The following RYR3 variants were observed in gnomAD, a reference collection of about 807,000 sequenced individuals.
RYR3 encodes ryanodine receptor 3.
A neutral mutation model predicts 584.3 loss-of-function variants in RYR3; 207 were observed. The ratio of observed to expected loss-of-function variants is 0.35; its 90% CI spans 0.32 to 0.40. The LOEUF (loss-of-function observed/expected upper bound fraction) is 0.40, where lower values mean the gene tolerates loss of function less well. RYR3 is among the 10% of genes least tolerant of loss of function. The pLI, the probability that RYR3 is intolerant of heterozygous loss-of-function variation, is 1.00. For synonymous variants in RYR3, 2,416 were observed against 2,248.5 expected, an observed-to-expected ratio of 1.07 and a Z score of -2.11; for missense variants, 5,616 against 6,089.2, an observed-to-expected ratio of 0.92 and a Z score of 2.59.
At chr15:33,703,655 A>G (rs1273639958) in intron 42 of RYR3, among the ~76,000 whole-genome samples, 1 of 152,074 alleles carries the variant, frequency 6.6e-6, no homozygotes, top group Non-Finnish European at 1.5e-5. Context: ...TCCACATGAA[A>G]TTTGCGGGAG....
At chr15:33,736,653 G>A (rs976279589) in intron 49 of RYR3, among the ~76,000 whole-genome samples, 1 of 152,156 alleles carries the variant, frequency 6.6e-6, no homozygotes, top group African/African-American at 2.4e-5. Context: ...TGAAGGCCCT[G>A]TGGTTTTTCA....
At chr15:33,628,130 A>G (rs2061086923) in intron 20 of RYR3, among the ~76,000 whole-genome samples, 1 of 152,240 alleles carries the variant, frequency 6.6e-6, no homozygotes, top group African/African-American at 2.4e-5. Context: ...AAAAGAGACC[A>G]TGGTTAGAAA....
Position 33,841,938 on chromosome 15 carries a change from A to G in RYR3, c.13112A>G (p.Lys4371Arg). The G allele has an allele frequency of 1.2e-6, 2 of 1,601,036 alleles. No individual in the cohort carries two copies. The highest frequency in any genetic ancestry group is 2.2e-5 in the East Asian group (1 of 44,562). ...GAGTACCTGTGGACAGAAGTGACAA[A>G]AAAGAAGAAGCGGCGGTGTGGTCAG... Reference protein sequence around the residue: ...QAEYLWTEVTKKKKRRCGQKV... With the variant: ...QAEYLWTEVTRKKKRRCGQKV... The change falls in exon 91 of 104, where the codon AAA becomes AGA. Residue 4371 changes from lysine to arginine, a missense_variant. By Grantham distance (26) the Lys-to-Arg change is conservative. This residue lies in a region of RYR3 where 918 missense variants were observed against 887.4 expected (regional missense o/e 1.03). Transcript: ENST00000634891.
At chr15:33,805,537 G>C (rs894031279) in intron 69 of RYR3, among the ~76,000 whole-genome samples, 1 of 150,468 alleles carries the variant, frequency 6.6e-6, no homozygotes, top group African/African-American at 2.4e-5. Flanking sequence ...GAGTACAGTG[G>C]TGCGATCTCG....
At chr15:33,857,223 A>G (rs1456746294) in intron 98 of RYR3, among the ~76,000 whole-genome samples, 1 of 117,588 alleles carries the variant, frequency 8.5e-6, no homozygotes, top group Non-Finnish European at 1.7e-5. Flanking sequence ...GGAGGCGGTA[A>G]GTAAGTCCAG....
intron 18 of RYR3, among the ~76,000 whole-genome samples, chr15:33,603,677 A>G (rs2059779139): frequency 6.6e-6 from 1 of 152,214 alleles, no homozygotes; most frequent in African/African-American, 2.4e-5. Context: ...GCAGTGAGTT[A>G]CATACTTTCT....
intron 50 of RYR3, 149 bp downstream of exon 50, chr15:33,738,739 T>C: frequency 1.2e-6 from 1 of 844,298 alleles, no homozygotes. Context: ...TGCCCATCTC[T>C]CTGAAATGGA....
At chr15:33,492,279 T>G (rs983530484) in intron 2 of RYR3, among the ~76,000 whole-genome samples, 2 of 152,198 alleles carry the variant, frequency 1.3e-5, no homozygotes, top group African/African-American at 4.8e-5. Context: ...GGATGGGATC[T>G]AGTTCTCTGT....
intron 97 of RYR3, 25 bp from the exon 98 acceptor site, chr15:33,854,741 A>G (rs1202911983): frequency 1.3e-6 from 2 of 1,583,416 alleles, no homozygotes; most frequent in Admixed American, 1.9e-5. Flanking sequence ...AACATGCTTA[A>G]AAGTCTGCTT....
At chr15:33,643,455 A>G (rs1312893090) in intron 27 of RYR3, among the ~76,000 whole-genome samples, 1 of 152,204 alleles carries the variant, frequency 6.6e-6, no homozygotes, top group Non-Finnish European at 1.5e-5. Flanking sequence ...TTTTAATACG[A>G]TCAAGCTACA....
Position 33,507,534 on chromosome 15 carries a change from A to G in RYR3, c.279+3796A>G, listed in dbSNP as rs567722746. Among the ~76,000 whole-genome samples, 4 of 152,330 alleles carry G rather than the reference A, an allele frequency of 2.6e-5. No homozygotes were observed. The East Asian group carries it at 7.7e-4, about 29-fold the overall frequency. On this transcript the variant is annotated intron_variant, in intron 3 of 103. Transcript: ENST00000634891. Reference sequence around the variant, plus strand: ...ATTTTATGGCTACAGTTTGAAGTAAAATTCCTGCAATCAAATATTAGAGTA... The same window carrying G: ...ATTTTATGGCTACAGTTTGAAGTAAGATTCCTGCAATCAAATATTAGAGTA...
At chr15:33,741,329 AT>A (rs2070075657) in intron 51 of RYR3, among the ~76,000 whole-genome samples, 1 of 152,210 alleles carries the variant, frequency 6.6e-6, no homozygotes, top group Non-Finnish European at 1.5e-5. Flanking sequence ...CAGGGAGGAA[AT>A]CGACAATCTT....
intron 1 of RYR3, among the ~76,000 whole-genome samples, chr15:33,437,418 G>T: frequency 6.6e-6 from 1 of 152,214 alleles, no homozygotes; most frequent in East Asian, 1.9e-4. Context: ...GAAGTATAAA[G>T]GTCAAAGACC....
intron 55 of RYR3, among the ~76,000 whole-genome samples, chr15:33,749,036 A>T (rs1050754699): frequency 6.6e-6 from 1 of 152,240 alleles, no homozygotes; most frequent in African/African-American, 2.4e-5. Context: ...CATGTTCAGT[A>T]CAGACACATT....
intron 1 of RYR3, among the ~76,000 whole-genome samples, chr15:33,447,583 C>T (rs1158625811): frequency 6.6e-6 from 1 of 152,144 alleles, no homozygotes; most frequent in Non-Finnish European, 1.5e-5. Flanking sequence ...TGGGCTTTTT[C>T]ACAGATAAGA....
intron 1 of RYR3, among the ~76,000 whole-genome samples, chr15:33,419,619 A>G (rs190442892): frequency 2.0e-4 from 31 of 152,270 alleles, no homozygotes; most frequent in African/African-American, 7.5e-4. Flanking sequence ...TAGTACCTTT[A>G]TTTGACAGTG....
intron 2 of RYR3, among the ~76,000 whole-genome samples, chr15:33,501,415 A>C (rs2051979505): frequency 1.3e-5 from 2 of 152,220 alleles, no homozygotes; most frequent in Admixed American, 1.3e-4. Flanking sequence ...TCTGTCTTAA[A>C]GAGAATAGAC....
Position 33,739,808 on chromosome 15 carries a change from T to C in RYR3, c.7657-24T>C, listed in dbSNP as rs374262325. 1.0e-3 allele frequency: 1,612 copies of C among 1,607,462 alleles called. 5 individuals are homozygous for C. Among genetic ancestry groups the C allele is most frequent in the Non-Finnish European group, 7.8e-4 (922 of 1,175,140 alleles). ...GGCATGGTTCTGCTTTCTCTACTAATGTGGCCTTGTTTTTCCCTCACAGAA... is the reference window on the plus strand; with the variant it reads ...GGCATGGTTCTGCTTTCTCTACTAACGTGGCCTTGTTTTTCCCTCACAGAA... On this transcript the variant is annotated intron_variant, in intron 50 of 103. Transcript: ENST00000634891.
intron 43 of RYR3, among the ~76,000 whole-genome samples, chr15:33,710,339 CTTTTT>C (rs58909445): frequency 2.1e-4 from 24 of 112,410 alleles, no homozygotes; most frequent in Admixed American, 1.8e-4. Flanking sequence ...GTGCCATACA[CTTTTT>C]TTTTTTTTTT....
Sources: gnomAD v4.1 joint callset for allele counts (sites outside exome capture counted in the v4.1 genomes callset) on GRCh38, gnomAD v4.1.1 for gene constraint, gnomAD v4.1.1 regional missense constraint, MANE v1.5 for transcripts, NCBI Gene and HGNC (gene_info 2026-07-23, HGNC 2026-07-21) for gene names.